The following CDH23 variants were observed in gnomAD, a reference collection of about 807,000 sequenced individuals.
CDH23 encodes the protein cadherin related 23.
CDH23 carries 189 observed loss-of-function variants against 317.1 expected under a neutral mutation model. The ratio of observed to expected loss-of-function variants is 0.60; its 90% CI spans 0.53 to 0.67. The LOEUF (loss-of-function observed/expected upper bound fraction) is 0.67. CDH23 is among the 30% of genes least tolerant of loss of function. CDH23 has a pLI of 0.00. For missense variants in CDH23, 4,401 were observed against 4,592.4 expected, an observed-to-expected ratio of 0.96 and a Z score of 1.20; for synonymous variants, 1,839 against 1,876.8, an observed-to-expected ratio of 0.98 and a Z score of 0.52.
intron 38 of CDH23, among the ~76,000 whole-genome samples, chr10:71,772,282 C>T (rs968657998): frequency 1.3e-5 from 2 of 152,216 alleles, no homozygotes; most frequent in Non-Finnish European, 2.9e-5. Context: ...TCCTCTCCCT[C>T]TTATCCTATC....
At chr10:71,609,025 C>T (rs1860697697) in intron 9 of CDH23, among the ~76,000 whole-genome samples, 1 of 152,200 alleles carries the variant, frequency 6.6e-6, no homozygotes, top group African/African-American at 2.4e-5. Flanking sequence ...CGCCCAGACC[C>T]AGCTCTGCTG....
At chr10:71,703,512 C>T (rs569476035) in intron 24 of CDH23, among the ~76,000 whole-genome samples, 7 of 152,316 alleles carry the variant, frequency 4.6e-5, no homozygotes, top group African/African-American at 1.7e-4. Context: ...TATGAAGCAC[C>T]CTGGAACTTG....
At chr10:71,636,110 G>T (rs147913340) in intron 11 of CDH23, among the ~76,000 whole-genome samples, 1 of 152,116 alleles carries the variant, frequency 6.6e-6, no homozygotes, top group Non-Finnish European at 1.5e-5. Context: ...AAATGAGGGC[G>T]AGATAAAGAG....
chr10:71,426,686 T>C (rs996594236), intron 1 of CDH23, among the ~76,000 whole-genome samples: 1 of 152,220 alleles, frequency 6.6e-6, no homozygotes, highest in Non-Finnish European at 1.5e-5. Context: ...CTTTATTTAT[T>C]TGTTATTGAA....
At chr10:71,637,183 T>A (rs1469496019) in intron 11 of CDH23, among the ~76,000 whole-genome samples, 1 of 152,194 alleles carries the variant, frequency 6.6e-6, no homozygotes, top group African/African-American at 2.4e-5. Flanking sequence ...TTTTATTTTC[T>A]ACTGCTCAAT....
chr10:71,475,836 A>G (rs1851767909), intron 3 of CDH23, among the ~76,000 whole-genome samples: 1 of 152,230 alleles, frequency 6.6e-6, no homozygotes, highest in Non-Finnish European at 1.5e-5. Flanking sequence ...CTGGGGTCAG[A>G]AGCCTGCAGG....
chr10:71,764,412 A>G (rs1429512834), intron 38 of CDH23, among the ~76,000 whole-genome samples: 1 of 152,218 alleles, frequency 6.6e-6, no homozygotes, highest in Non-Finnish European at 1.5e-5. Context: ...GATGAAAAAA[A>G]AGGCCAGAAA....
intron 1 of CDH23, among the ~76,000 whole-genome samples, chr10:71,432,467 G>T (rs1458193435): frequency 5.3e-5 from 8 of 151,278 alleles, no homozygotes; most frequent in African/African-American, 1.5e-4. Flanking sequence ...GCATGTGAGT[G>T]TGTAGGTGTG....
intron 11 of CDH23, among the ~76,000 whole-genome samples, chr10:71,639,861 T>A (rs1463737235): frequency 1.3e-5 from 2 of 152,096 alleles, no homozygotes; most frequent in Non-Finnish European, 2.9e-5. Context: ...CACACCCCTA[T>A]CCTGAGGGCT....
chr10:71,402,144 G>A (rs1847809640), intron 1 of CDH23, among the ~76,000 whole-genome samples: 2 of 152,154 alleles, frequency 1.3e-5, no homozygotes, highest in Admixed American at 6.5e-5. Context: ...CAGGGTTTGC[G>A]GTCTTGGGGC....
intron 9 of CDH23, among the ~76,000 whole-genome samples, chr10:71,586,840 C>A (rs1407414306): frequency 6.6e-6 from 1 of 152,160 alleles, no homozygotes; most frequent in African/African-American, 2.4e-5. Flanking sequence ...CCTATTTTAT[C>A]CTCGATAGTA....
chr10:71,701,107 G>A (rs545108844), intron 22 of CDH23, among the ~76,000 whole-genome samples: 8 of 152,330 alleles, frequency 5.3e-5, no homozygotes, highest in African/African-American at 9.6e-5. Flanking sequence ...ATGCAGGGTC[G>A]GGGGTGAGCG....
chr10:71,620,817 G>A (rs1334658728), intron 11 of CDH23, among the ~76,000 whole-genome samples: 1 of 152,206 alleles, frequency 6.6e-6, no homozygotes, highest in Non-Finnish European at 1.5e-5. Context: ...CTCCAGATGG[G>A]GCGGCCCCCA....
At chr10:71,485,587 C>G (rs902670171) in intron 3 of CDH23, among the ~76,000 whole-genome samples, 3 of 152,240 alleles carry the variant, frequency 2.0e-5, no homozygotes, top group African/African-American at 7.2e-5. Flanking sequence ...TGGCCAGAGT[C>G]AGCCAGGGCA....
At chr10:71,738,423 C>T (rs975065135) in intron 34 of CDH23, 75 bp from the exon 35 acceptor site, 7 of 1,580,356 alleles carry the variant, frequency 4.4e-6, no homozygotes, top group Non-Finnish European at 5.2e-6. Context: ...CCCTACTGGA[C>T]CCACGGTGGG....
intron 3 of CDH23, among the ~76,000 whole-genome samples, chr10:71,499,304 A>G (rs552058004): frequency 2.6e-5 from 4 of 152,190 alleles, no homozygotes; most frequent in Non-Finnish European, 4.4e-5. Context: ...GCTCACACCT[A>G]TAATCCCAGC....
rs886047133 is a variant in CDH23 at position 71,709,100 on chromosome 10, G to A, written c.3109G>A (p.Gly1037Ser). 1.2e-6 allele frequency: 2 copies of A among 1,613,690 alleles called. No individual in the cohort carries two copies. Among genetic ancestry groups the A allele is most frequent in the Middle Eastern group, 1.7e-4 (1 of 5,960 alleles). ...NAELSYFITGGNVDGKFSVGY... is the reference protein window; with the variant it reads ...NAELSYFITGSNVDGKFSVGY... The stretch of plus-strand genomic sequence containing the variant: ...AGCTTCCTCTCCTTCACCCACAGGT[G>A]GCAACGTGGATGGGAAGTTCAGCGT... The change falls in exon 27 of 70, where the codon GGC becomes AGC. Residue 1037 changes from glycine (G) to serine (S), a missense_variant and splice_region_variant. Around this residue, in one of 3 missense-constraint regions of CDH23, gnomAD observed 3,068 missense variants for 3,203.3 expected, o/e 0.96. Coordinates refer to ENST00000224721, the MANE Select transcript of CDH23 (RefSeq NM_022124.6).
intron 6 of CDH23, among the ~76,000 whole-genome samples, chr10:71,537,251 C>A (rs1300742672): frequency 1.3e-5 from 2 of 152,092 alleles, no homozygotes; most frequent in Non-Finnish European, 2.9e-5. Flanking sequence ...TGGGATTTCT[C>A]CTAGAATCAT....
intron 9 of CDH23, among the ~76,000 whole-genome samples, chr10:71,605,002 A>G (rs562073255): frequency 6.6e-6 from 1 of 152,244 alleles, no homozygotes; most frequent in African/African-American, 2.4e-5. Flanking sequence ...AGGAAGAATT[A>G]CACATTAAAA....
Sources: gnomAD v4.1 joint callset for allele counts (sites outside exome capture counted in the v4.1 genomes callset) on GRCh38, gnomAD v4.1.1 for gene constraint, gnomAD v4.1.1 regional missense constraint, MANE v1.5 for transcripts, NCBI Gene and HGNC (gene_info 2026-07-23, HGNC 2026-07-21) for gene names.